KIAA0586: variants seen among roughly 807,000 people sequenced by gnomAD.
The protein encoded by KIAA0586 is KIAA0586, also known as protein TALPID3.
A neutral mutation model predicts 169.8 loss-of-function variants in KIAA0586; 144 were observed. That is an observed-to-expected ratio of 0.85 (90% CI 0.74 to 0.97). The LOEUF is 0.97. Ranked by LOEUF, KIAA0586 falls within the 50% of genes least tolerant of loss-of-function variation. The pLI is 0.00. For synonymous variants in KIAA0586, 625 were observed against 612.4 expected (o/e 1.02, Z -0.30); for missense variants, 1,854 against 1,823.0 (o/e 1.02, Z -0.31).
At chr14:58,508,522 ATTT>A in intron 27 of KIAA0586, 30 bp from the exon 28 acceptor site, 1 of 1,488,394 alleles carries the variant, frequency 6.7e-7, no homozygotes, top group East Asian at 2.5e-5. Flanking sequence ...TTAACACTTT[ATTT>A]TAACTTTTTA....
Position 58,512,525 on chromosome 14 carries a change from C to T in KIAA0586, c.4327C>T (p.Gln1443Ter), listed in dbSNP as rs1178584167. Residue 1443 changes from glutamine (Q) to a stop codon, truncating the protein, a stop_gained, in exon 29 of 31, where the codon CAA becomes TAA. Transcript: ENST00000652326. LOFTEE classifies it high-confidence loss of function. ...CTTCATATCTTAAATTATTTAGTAC[C>T]AACTAAAGCAAAATCAGGATGTTAA... ...PVAAEDFSQY[Q>*]LKQNQDVKQV... The T allele has an allele frequency of 6.7e-7, 1 of 1,490,500 alleles. No homozygotes were observed. The highest frequency in any genetic ancestry group is 9.0e-7 in the Non-Finnish European group (1 of 1,116,760). 92.3% of individuals were successfully genotyped at this position (1,490,500 alleles called of 1,614,324 possible). A position where few individuals can be genotyped will look rare whatever the true frequency, so the allele number is the denominator to read the frequency against.
In KIAA0586 at chr14:58,453,675, G is replaced by A. The variant is rs370974853; in HGVS notation, c.1253+202G>A. 2.6e-5 allele frequency among the ~76,000 whole-genome samples: 4 copies of A among 152,006 alleles called. 1 individual carries two copies. On this transcript the variant is annotated intron_variant, in intron 9 of 30. Coordinates refer to ENST00000652326, the MANE Select transcript of KIAA0586 (RefSeq NM_001329943.3). The stretch of plus-strand genomic sequence containing the variant: ...AATATCTCATTTTTTCAAAATGCAG[G>A]TTATTAATTTCTAACGTATGGATTA...
intron 29 of KIAA0586, among the ~76,000 whole-genome samples, chr14:58,515,384 G>A (rs2044676800): frequency 6.6e-6 from 1 of 152,030 alleles, no homozygotes; most frequent in Non-Finnish European, 1.5e-5. Flanking sequence ...AGAAAATTTA[G>A]CACCTTTTAT....
At chr14:58,464,650 G>GA (rs2040593931) in intron 14 of KIAA0586, among the ~76,000 whole-genome samples, 2 of 152,078 alleles carry the variant, frequency 1.3e-5, no homozygotes, top group Non-Finnish European at 2.9e-5. Flanking sequence ...CATAGGAACA[G>GA]AAAAAAATGT....
intron 20 of KIAA0586, among the ~76,000 whole-genome samples, chr14:58,478,447 C>T (rs2041811370): frequency 6.6e-6 from 1 of 152,204 alleles, no homozygotes; most frequent in Non-Finnish European, 1.5e-5. Context: ...CACGTCACTG[C>T]ACTCCAGCCT....
intron 29 of KIAA0586, chr14:58,521,025 GA>G: frequency 3.1e-6 from 1 of 323,356 alleles, no homozygotes; most frequent in Non-Finnish European, 5.8e-6. Context: ...ATAAAAAGAA[GA>G]AAGGCCATTT....
chr14:58,467,826 A>C lies in KIAA0586; in HGVS notation c.2346A>C (p.Pro782=), dbSNP rs755967295. The change falls in exon 16 of 31, where the codon CCA becomes CCC. Residue 782 remains proline (P), a synonymous_variant. Transcript: ENST00000652326. ...TAACTGTGACTACTTCTATTCCTCC[A>C]TCATCTCGAAAAGTAGAAACTGGAG... is the stretch of plus-strand genomic sequence containing the variant. The part of the protein sequence containing the change: ...HPVTVTTSIP[P]SSRKVETGVK... 6.2e-7 allele frequency: 1 copy of C among 1,613,818 alleles called. No homozygotes were observed. The highest frequency in any genetic ancestry group is 1.1e-5 in the South Asian group (1 of 91,084).
At position 58,470,608 on chromosome 14, in the gene KIAA0586, T is replaced by C; in HGVS notation, c.2443-5T>C. 5 of 1,523,060 alleles carry C rather than the reference T, an allele frequency of 3.3e-6. No homozygotes were observed. Among genetic ancestry groups the C allele is most frequent in the Non-Finnish European group, 2.7e-6 (3 of 1,098,278 alleles). The allele number at this position is 1,523,060 out of a possible 1,614,324, so 94.3% of individuals were successfully genotyped here. A position where few individuals can be genotyped will look rare whatever the true frequency, so the allele number is the denominator to read the frequency against. ...CAGAAAGCTGAATGTTGTATTCTGT[T>C]TTAGGTATTACCCAGTGTAGATATT... On this transcript the variant is annotated splice_region_variant and splice_polypyrimidine_tract_variant and intron_variant, in intron 16 of 30. Coordinates refer to ENST00000652326, the MANE Select transcript of KIAA0586 (RefSeq NM_001329943.3).
chr14:58,480,266 C>G (rs1412024199), intron 20 of KIAA0586, among the ~76,000 whole-genome samples: 4 of 151,278 alleles, frequency 2.6e-5, no homozygotes, highest in African/African-American at 9.7e-5. Flanking sequence ...CAAGCATAGG[C>G]ACTATTGACC....
intron 10 of KIAA0586, 74 bp from the exon 11 acceptor site, chr14:58,457,685 A>G (rs2039985109): frequency 2.2e-6 from 2 of 927,424 alleles, no homozygotes; most frequent in Non-Finnish European, 1.6e-6. Flanking sequence ...GGCCTCAACA[A>G]TAGTGATAGC....
intron 30 of KIAA0586, chr14:58,543,858 C>CTT: frequency 7.6e-6 from 3 of 397,290 alleles, no homozygotes; most frequent in Admixed American, 2.7e-5. Flanking sequence ...ATTTTTACCT[C>CTT]TTTTTTTTTT....
intron 7 of KIAA0586, among the ~76,000 whole-genome samples, chr14:58,450,261 A>G (rs2039252472): frequency 6.6e-6 from 1 of 152,200 alleles, no homozygotes; most frequent in Non-Finnish European, 1.5e-5. Context: ...TAAAACTTTA[A>G]TTCTTCCTAT....
downstream of KIAA0586, among the ~76,000 whole-genome samples, chr14:58,554,249 G>C (rs908007049): frequency 1.4e-4 from 22 of 152,086 alleles, no homozygotes; most frequent in African/African-American, 5.3e-4. Context: ...TAGATAATTA[G>C]ACTGTATTTC....
intron 29 of KIAA0586, among the ~76,000 whole-genome samples, chr14:58,514,790 A>G (rs995028682): frequency 2.0e-5 from 3 of 152,068 alleles, no homozygotes; most frequent in African/African-American, 4.8e-5. Context: ...ACCTGATTCT[A>G]TGTACTGATT....
the KIAA0586 span, among the ~76,000 whole-genome samples, chr14:58,559,370 A>C: frequency 3.8e-3 from 577 of 152,348 alleles, 4 homozygotes; most frequent in African/African-American, 0.013. Flanking sequence ...TGAGTGTGTC[A>C]TCCATGCACA....
chr14:58,450,314 G>T (rs1183918901), intron 7 of KIAA0586, among the ~76,000 whole-genome samples: 1 of 152,058 alleles, frequency 6.6e-6, no homozygotes, highest in Non-Finnish European at 1.5e-5. Flanking sequence ...GCCATGAAAA[G>T]TATCTGGGCC....
Position 58,515,773 on chromosome 14 carries a change from A to G in KIAA0586, c.4429+3146A>G, listed in dbSNP as rs375165255. On this transcript the variant is annotated intron_variant, in intron 29 of 30. Coordinates refer to ENST00000652326, the MANE Select transcript of KIAA0586 (RefSeq NM_001329943.3). Reference sequence around the variant, plus strand: ...TGTCTGAATAAATGTCCACAAATCCATGCTATTATTGGTTAACAAAAAATA... The same window carrying G: ...TGTCTGAATAAATGTCCACAAATCCGTGCTATTATTGGTTAACAAAAAATA... Among the ~76,000 whole-genome samples the G allele has an allele frequency of 8.9e-4, 136 of 152,302 alleles. 1 individual carries two copies. Among genetic ancestry groups the G allele is most frequent in the Middle Eastern group, 6.8e-3 (2 of 294 alleles).
At chr14:58,539,421 AG>A (rs553873607) in intron 29 of KIAA0586, among the ~76,000 whole-genome samples, 175 of 152,356 alleles carry the variant, frequency 1.1e-3, no homozygotes, top group African/African-American at 3.9e-3. Flanking sequence ...TTCACAGCAC[AG>A]ATTAACAGCA....
intron 27 of KIAA0586, among the ~76,000 whole-genome samples, chr14:58,502,640 C>T (rs372925138): frequency 1.4e-3 from 207 of 152,210 alleles, no homozygotes; most frequent in African/African-American, 4.8e-3. Flanking sequence ...ATGTATTTGA[C>T]AATGCATGTA....
Sources: allele counts gnomAD v4.1 joint callset (sites outside exome capture counted in the v4.1 genomes callset), GRCh38; gene constraint gnomAD v4.1.1; transcripts MANE v1.5; gene names NCBI Gene and HGNC (gene_info 2026-07-23, HGNC 2026-07-21).